Variants in C10orf71 observed in about 807,000 individuals in gnomAD.
The protein encoded by C10orf71 is cardiac-enriched FHL2-interacting protein.
For missense variants in C10orf71, 1,869 were observed against 1,804.5 expected (o/e 1.04, Z -0.65); for synonymous variants, 758 against 726.3 (o/e 1.04, Z -0.70).
chr10:49,304,013 G>C (rs1433199487), intron 1 of C10orf71, among the ~76,000 whole-genome samples: 1 of 152,212 alleles, frequency 6.6e-6, no homozygotes, highest in Non-Finnish European at 1.5e-5. Flanking sequence ...GGGGTGCTCT[G>C]TGTGAGGTCC....
chr10:49,314,690 G>A (rs924839063), intron 1 of C10orf71, among the ~76,000 whole-genome samples: 1 of 152,172 alleles, frequency 6.6e-6, no homozygotes, highest in Admixed American at 6.5e-5. Context: ...TCATCCCTAA[G>A]TCAGATCTCA....
rs1262967459 is a variant in C10orf71, at chr10:49,324,283, C to CCCAGTGA, written c.1739_1745dup (p.Glu582AspfsTer3). On this transcript the variant is annotated frameshift_variant, in exon 3 of 3. Coordinates refer to ENST00000374144, the MANE Select transcript of C10orf71 (RefSeq NM_001135196.2). LOFTEE classifies it low-confidence loss of function (END_TRUNC). ...TCCCCAGAAGGACCCTACAGCTGAC[C>CCCAGTGA]CCAGTGAGCCCTCTGCAGACAGCTA... The CCCAGTGA allele has an allele frequency of 6.2e-7, 1 of 1,613,894 alleles. No homozygotes were observed. Among genetic ancestry groups the CCCAGTGA allele is most frequent in the Non-Finnish European group, 8.5e-7 (1 of 1,179,870 alleles).
intron 1 of C10orf71, among the ~76,000 whole-genome samples, chr10:49,305,363 C>T (rs1350039150): frequency 6.6e-6 from 1 of 152,092 alleles, no homozygotes; most frequent in Non-Finnish European, 1.5e-5. Context: ...AGGTTCCAGC[C>T]CCACACCACC....
Position 49,322,930 on chromosome 10 carries a change from C to T in C10orf71, c.385C>T (p.Pro129Ser). The change falls in exon 3 of 3, where the codon CCA becomes TCA. Residue 129 changes from proline to serine, a missense_variant. By Grantham distance (74) the Pro-to-Ser change is moderately conservative (BLOSUM62 -1). Coordinates refer to ENST00000374144, the MANE Select transcript of C10orf71 (RefSeq NM_001135196.2). ...GCCAGTCCAGAGGAGACTGGAGGTG[C>T]CAGTTTCCGGCCTAAGGAGCAGCAA... ...PTPVQRRLEV[P>S]VSGLRSSNKP... 1 of 1,613,910 alleles carries T rather than the reference C, an allele frequency of 6.2e-7. No homozygotes were observed. Among genetic ancestry groups the T allele is most frequent in the Non-Finnish European group, 8.5e-7 (1 of 1,179,838 alleles).
intron 1 of C10orf71, among the ~76,000 whole-genome samples, chr10:49,303,361 G>A (rs907481676): frequency 6.6e-6 from 1 of 152,174 alleles, no homozygotes. Flanking sequence ...TCAGGACAAG[G>A]GCAGACATGG....
At chr10:49,307,314 G>A (rs1295123478) in intron 1 of C10orf71, among the ~76,000 whole-genome samples, 1 of 152,224 alleles carries the variant, frequency 6.6e-6, no homozygotes, top group Non-Finnish European at 1.5e-5. Context: ...TGGGCCCCTT[G>A]AGGTCTGCAG....
At chr10:49,307,580 G>A (rs1243901708) in intron 1 of C10orf71, among the ~76,000 whole-genome samples, 1 of 152,214 alleles carries the variant, frequency 6.6e-6, no homozygotes, top group Non-Finnish European at 1.5e-5. Context: ...GAGCTCCGGA[G>A]CCTGCTGGGA....
chr10:49,323,488 C>G lies in C10orf71; in HGVS notation c.943C>G (p.Pro315Ala). The change falls in exon 3 of 3, where the codon CCC becomes GCC. Residue 315 changes from proline to alanine, a missense_variant. Coordinates refer to ENST00000374144, the MANE Select transcript of C10orf71 (RefSeq NM_001135196.2). ...TGGGGACACGACCTTGCTAAGAGAA[C>G]CCTGTCCTCCTGAGCGCACAGTCTC... is the stretch of plus-strand genomic sequence containing the variant. ...HYGDTTLLRE[P>A]CPPERTVSPC... is the part of the protein sequence containing the mutation. 1 of 1,613,702 alleles carries G rather than the reference C, an allele frequency of 6.2e-7. No individual in the cohort carries two copies. Among genetic ancestry groups the G allele is most frequent in the Non-Finnish European group, 8.5e-7 (1 of 1,179,648 alleles).
chr10:49,300,580 T>G (rs573662697), intron 1 of C10orf71, among the ~76,000 whole-genome samples: 29 of 152,170 alleles, frequency 1.9e-4, no homozygotes, highest in African/African-American at 6.5e-4. Flanking sequence ...AGGGCCCACT[T>G]TTTAGGCCTG....
In C10orf71 at chr10:49,323,531, C is replaced by A; in HGVS notation, c.986C>A (p.Ala329Asp). ...ACAGTCTCTCCCTGCCAGGTCCAGG[C>A]CAGCTGCAGTCAGGAAGAGAACAGA... ...ERTVSPCQVQ[A>D]SCSQEENRLA... The change falls in exon 3 of 3, where the codon GCC becomes GAC. Residue 329 changes from alanine to aspartate, a missense_variant. Transcript: ENST00000374144. The A allele has an allele frequency of 1.2e-6, 2 of 1,610,336 alleles. No homozygotes were observed. The highest frequency in any genetic ancestry group is 1.7e-6 in the Non-Finnish European group (2 of 1,177,462).
chr10:49,325,693 C>T lies in C10orf71; in HGVS notation c.3148C>T (p.Pro1050Ser). The change falls in exon 3 of 3, where the codon CCC becomes TCC. Residue 1050 changes from proline to serine, a missense_variant. Physicochemically the swap from Pro to Ser is moderately conservative, Grantham distance 74. Transcript: ENST00000374144. ...AGGGCCCCCTGGCAGAAGACTGGTCCCCAGTGAGAGGGCGAATTCCCCCAA... is the reference window on the plus strand; with the variant it reads ...AGGGCCCCCTGGCAGAAGACTGGTCTCCAGTGAGAGGGCGAATTCCCCCAA... The part of the protein sequence containing the change: ...RAGPPGRRLV[P>S]SERANSPNPG... The T allele has an allele frequency of 1.3e-6, 2 of 1,551,928 alleles. No homozygotes were observed. The highest frequency in any genetic ancestry group is 2.4e-5 in the South Asian group (2 of 84,066).
intron 1 of C10orf71, among the ~76,000 whole-genome samples, chr10:49,306,305 T>C (rs1848812834): frequency 6.6e-6 from 1 of 152,218 alleles, no homozygotes; most frequent in South Asian, 2.1e-4. Context: ...GGGAGCAACC[T>C]TGGGAGTGGG....
chr10:49,326,729 A>G lies in C10orf71; in HGVS notation c.4184A>G (p.His1395Arg). ...DPGPHGDCTP[H>R]SAGQRPHGPP... ...GGGCCTCACGGTGACTGCACCCCGCACTCTGCAGGCCAGCGCCCTCATGGT... is the reference window on the plus strand; with the variant it reads ...GGGCCTCACGGTGACTGCACCCCGCGCTCTGCAGGCCAGCGCCCTCATGGT... Residue 1395 changes from histidine to arginine, a missense_variant, in exon 3 of 3, where the codon CAC becomes CGC. Physicochemically the swap from His to Arg is conservative, Grantham distance 29. Transcript: ENST00000374144. The G allele has an allele frequency of 6.5e-7, 1 of 1,549,780 alleles. No homozygotes were observed. The highest frequency in any genetic ancestry group is 8.7e-7 in the Non-Finnish European group (1 of 1,146,630).
intron 1 of C10orf71, among the ~76,000 whole-genome samples, chr10:49,303,545 A>G (rs1848762972): frequency 6.6e-6 from 1 of 152,154 alleles, no homozygotes; most frequent in African/African-American, 2.4e-5. Flanking sequence ...GGGATCAAGC[A>G]CTGTTAAGCC....
chr10:49,326,737 G>A lies in C10orf71; in HGVS notation c.4192G>A (p.Gly1398Ser), dbSNP rs1256654640. 7 of 1,551,256 alleles carry A rather than the reference G, an allele frequency of 4.5e-6. No individual in the cohort carries two copies. In the South Asian group the frequency reaches 7.1e-5, roughly 16 times the overall value. The change falls in exon 3 of 3, where the codon GGC becomes AGC. Residue 1398 changes from glycine to serine, a missense_variant. Physicochemically the swap from Gly to Ser is moderately conservative, Grantham distance 56 (BLOSUM62 0). Coordinates refer to ENST00000374144, the MANE Select transcript of C10orf71 (RefSeq NM_001135196.2). ...PHGDCTPHSA[G>S]QRPHGPPQSP... is the part of the protein sequence containing the mutation. ...CGGTGACTGCACCCCGCACTCTGCAGGCCAGCGCCCTCATGGTCCTCCCCA... is the reference window on the plus strand; with the variant it reads ...CGGTGACTGCACCCCGCACTCTGCAAGCCAGCGCCCTCATGGTCCTCCCCA...
At position 49,323,267 on chromosome 10, in the gene C10orf71, A is replaced by T; in HGVS notation, c.722A>T (p.Asp241Val). 6.2e-7 allele frequency: 1 copy of T among 1,613,886 alleles called. No homozygotes were observed. Among genetic ancestry groups the T allele is most frequent in the African/African-American group, 1.3e-5 (1 of 75,022 alleles). The part of the protein sequence containing the change: ...GSSSFLPAAN[D>V]TATLCESKFP... ...AGCAGCTTCCTCCCAGCAGCCAATGACACGGCCACCTTATGTGAGTCAAAG... is the reference window on the plus strand; with the variant it reads ...AGCAGCTTCCTCCCAGCAGCCAATGTCACGGCCACCTTATGTGAGTCAAAG... The change falls in exon 3 of 3, where the codon GAC (aspartate) becomes GTC (valine). Residue 241 changes from aspartate (D) to valine (V), a missense_variant. Physicochemically the swap from Asp to Val is radical, Grantham distance 152. Transcript: ENST00000374144.
chr10:49,324,534 G>T lies in C10orf71; in HGVS notation c.1989G>T (p.Met663Ile). 6.2e-7 allele frequency: 1 copy of T among 1,613,394 alleles called. No homozygotes were observed. Among genetic ancestry groups the T allele is most frequent in the South Asian group, 1.1e-5 (1 of 90,996 alleles). ...AGCCTGGAGGGGCTACAGAGAAAAT[G>T]AAGACCCACCAGCTAGAGAATGGGC... is the stretch of plus-strand genomic sequence containing the variant. Reference protein sequence around the residue: ...DPEPGGATEKMKTHQLENGLS... With the variant: ...DPEPGGATEKIKTHQLENGLS... The change falls in exon 3 of 3, where the codon ATG (methionine) becomes ATT (isoleucine). Residue 663 changes from methionine (M) to isoleucine (I), a missense_variant. Met to Ile is a conservative substitution (Grantham distance 10). Coordinates refer to ENST00000374144, the MANE Select transcript of C10orf71 (RefSeq NM_001135196.2).
chr10:49,325,836 C>T lies in C10orf71; in HGVS notation c.3291C>T (p.Ser1097=), dbSNP rs746547019. 4 of 1,551,194 alleles carry T rather than the reference C, an allele frequency of 2.6e-6. No individual in the cohort carries two copies. Among genetic ancestry groups the T allele is most frequent in the South Asian group, 1.2e-5 (1 of 84,034 alleles). The change falls in exon 3 of 3, where the codon AGC becomes AGT. Residue 1097 remains serine, a synonymous_variant. Transcript: ENST00000374144. ...TTCCCGAGGAGCCTAATCAAGCCAG[C>T]CCCTGGGCCAGCTCCAGTCCTGCCA... ...ELLPEEPNQA[S]PWASSSPARV...
In C10orf71 at chr10:49,325,891, G is replaced by C. The variant is rs748444986; in HGVS notation, c.3346G>C (p.Ala1116Pro). The C allele has an allele frequency of 1.3e-6, 2 of 1,549,868 alleles. No individual in the cohort carries two copies. Among genetic ancestry groups the C allele is most frequent in the Non-Finnish European group, 1.7e-6 (2 of 1,145,740 alleles). The part of the protein sequence containing the change: ...RVTRREDLTH[A>P]LVWEGGSDPL... ...CACCCGGAGGGAGGACCTGACCCACGCCCTCGTGTGGGAGGGCGGCTCTGA... is the reference window on the plus strand; with the variant it reads ...CACCCGGAGGGAGGACCTGACCCACCCCCTCGTGTGGGAGGGCGGCTCTGA... The change falls in exon 3 of 3, where the codon GCC becomes CCC. Residue 1116 changes from alanine (A) to proline (P), a missense_variant. By Grantham distance (27) the Ala-to-Pro change is conservative (BLOSUM62 -1). Transcript: ENST00000374144.
Sources: allele counts gnomAD v4.1 joint callset (sites outside exome capture counted in the v4.1 genomes callset), GRCh38; gene constraint gnomAD v4.1.1; transcripts MANE v1.5; gene names NCBI Gene and HGNC (gene_info 2026-07-23, HGNC 2026-07-21).